The following MBD5 variants were observed in gnomAD, a reference collection of about 807,000 sequenced individuals.
MBD5 encodes the protein methyl-CpG-binding domain protein 5.
MBD5 carries 13 observed loss-of-function variants against 117.3 expected under a neutral mutation model. The observed-to-expected ratio is 0.11, with a 90% CI of 0.07 to 0.18. MBD5 has a LOEUF of 0.18. MBD5 is among the 10% of genes least tolerant of loss of function. The pLI is 1.00. For missense variants in MBD5, 1,879 were observed against 2,093.8 expected, an observed-to-expected ratio of 0.90 and a Z score of 2.00; for synonymous variants, 727 against 766.4, an observed-to-expected ratio of 0.95 and a Z score of 0.85.
intron 4 of MBD5, among the ~76,000 whole-genome samples, chr2:148,445,336 T>C (rs181650033): frequency 6.6e-6 from 1 of 150,670 alleles, no homozygotes; most frequent in Non-Finnish European, 1.5e-5. Context: ...CCTTGCTGTG[T>C]CCAAATGTTC....
chr2:148,500,453 T>A (rs1249139100), intron 11 of MBD5, among the ~76,000 whole-genome samples: 1 of 152,144 alleles, frequency 6.6e-6, no homozygotes. Flanking sequence ...ATAAAAGTAA[T>A]ACTAGTTTGC....
At chr2:148,163,244 A>C (rs1245842195) in intron 1 of MBD5, among the ~76,000 whole-genome samples, 1 of 152,176 alleles carries the variant, frequency 6.6e-6, no homozygotes, top group African/African-American at 2.4e-5. Context: ...AATGAATAGG[A>C]TCATAGGTCT....
At chr2:148,188,126 C>T (rs1001769725) in intron 2 of MBD5, among the ~76,000 whole-genome samples, 1 of 152,124 alleles carries the variant, frequency 6.6e-6, no homozygotes, top group African/African-American at 2.4e-5. Context: ...TGGAGCATTT[C>T]AGATTTTGGA....
intron 3 of MBD5, among the ~76,000 whole-genome samples, chr2:148,245,118 G>T (rs1700305857): frequency 6.6e-6 from 1 of 152,176 alleles, no homozygotes; most frequent in Admixed American, 6.5e-5. Flanking sequence ...AAGCACTGTG[G>T]CTCACGCCTG....
intron 4 of MBD5, among the ~76,000 whole-genome samples, chr2:148,356,969 A>G (rs1363713414): frequency 1.3e-5 from 2 of 151,996 alleles, no homozygotes; most frequent in African/African-American, 4.8e-5. Flanking sequence ...ATGGATAATC[A>G]ATTTTTTAAA....
intron 4 of MBD5, among the ~76,000 whole-genome samples, chr2:148,405,135 G>T (rs1477413490): frequency 1.3e-5 from 2 of 151,868 alleles, no homozygotes; most frequent in Non-Finnish European, 2.9e-5. Flanking sequence ...TTTTGAGTGT[G>T]TATAATATTC....
chr2:148,397,219 A>G (rs1391314715), intron 4 of MBD5, among the ~76,000 whole-genome samples: 2 of 151,924 alleles, frequency 1.3e-5, no homozygotes, highest in Admixed American at 1.3e-4. Flanking sequence ...ATTGTCAACC[A>G]CCAGCAAACT....
intron 1 of MBD5, among the ~76,000 whole-genome samples, chr2:148,141,552 T>G (rs935297126): frequency 3.9e-5 from 6 of 152,086 alleles, no homozygotes; most frequent in Non-Finnish European, 7.4e-5. Flanking sequence ...TGTCAGAAAA[T>G]TAAAATGCAA....
intron 4 of MBD5, among the ~76,000 whole-genome samples, chr2:148,432,475 A>G (rs1191194439): frequency 6.6e-6 from 1 of 151,958 alleles, no homozygotes; most frequent in Admixed American, 6.6e-5. Flanking sequence ...TTCCTAGGTT[A>G]TCTTTCAGGG....
At chr2:148,409,087 A>G (rs1246109913) in intron 4 of MBD5, among the ~76,000 whole-genome samples, 2 of 152,056 alleles carry the variant, frequency 1.3e-5, no homozygotes, top group Non-Finnish European at 2.9e-5. Context: ...TATATTGTCT[A>G]AAATAAACAT....
At chr2:148,061,392 A>G (rs1695030274) in intron 1 of MBD5, among the ~76,000 whole-genome samples, 1 of 152,060 alleles carries the variant, frequency 6.6e-6, no homozygotes, top group Non-Finnish European at 1.5e-5. Context: ...AGAGTTTGGC[A>G]CATTTGTCTT....
At chr2:148,380,039 A>G (rs941023623) in intron 4 of MBD5, among the ~76,000 whole-genome samples, 2 of 152,182 alleles carry the variant, frequency 1.3e-5, no homozygotes, top group African/African-American at 4.8e-5. Flanking sequence ...AAAGATTGAA[A>G]ATGAATCGAT....
chr2:148,425,635 C>T (rs184958083), intron 4 of MBD5, among the ~76,000 whole-genome samples: 234 of 152,308 alleles, frequency 1.5e-3, no homozygotes, highest in African/African-American at 5.4e-3. Flanking sequence ...CAAAAATTCT[C>T]AGTAAAATAC....
chr2:148,450,573 C>G (rs1490230876), intron 4 of MBD5, among the ~76,000 whole-genome samples: 1 of 152,168 alleles, frequency 6.6e-6, no homozygotes, highest in South Asian at 2.1e-4. Context: ...TACATGGTCT[C>G]TCATCCTCGA....
chr2:148,195,475 C>T (rs1698959860), intron 2 of MBD5, among the ~76,000 whole-genome samples: 1 of 152,126 alleles, frequency 6.6e-6, no homozygotes, highest in African/African-American at 2.4e-5. Flanking sequence ...CAACCTTCCT[C>T]TCCCATAAAT....
chr2:148,374,048 A>G (rs960700229), intron 4 of MBD5, among the ~76,000 whole-genome samples: 4 of 152,130 alleles, frequency 2.6e-5, no homozygotes, highest in Admixed American at 6.5e-5. Context: ...ACTGATAAGT[A>G]TAATGCAAAT....
At chr2:148,187,324 A>AT (rs1166193880) in intron 2 of MBD5, among the ~76,000 whole-genome samples, 1 of 151,748 alleles carries the variant, frequency 6.6e-6, no homozygotes, top group Non-Finnish European at 1.5e-5. Flanking sequence ...CAAAAAAAAA[A>AT]CCCAGCACCT....
rs139308010 is a variant in MBD5, at chr2:148,421,745, G to A, written c.-556-36458G>A. On this transcript the variant is annotated intron_variant, in intron 4 of 13. Coordinates refer to ENST00000642680, the MANE Select transcript of MBD5 (RefSeq NM_001378120.1). Reference sequence around the variant, plus strand: ...ACCTGGGACACTCGAGCTTGGTGGAGAGAGGGGCATCCACCATTGCTGAGG... The same window carrying A: ...ACCTGGGACACTCGAGCTTGGTGGAAAGAGGGGCATCCACCATTGCTGAGG... Among the ~76,000 whole-genome samples, 1,160 of 152,292 alleles carry A rather than the reference G, an allele frequency of 7.6e-3. 16 individuals carry two copies. The highest frequency in any genetic ancestry group is 0.027 in the African/African-American group (1,116 of 41,566).
chr2:148,436,664 G>A (rs577139017), intron 4 of MBD5, among the ~76,000 whole-genome samples: 80 of 152,244 alleles, frequency 5.3e-4, no homozygotes, highest in African/African-American at 1.6e-3. Context: ...GAGCCACCAC[G>A]CTTGGCCCTT....
Sources: allele counts gnomAD v4.1 joint callset (sites outside exome capture counted in the v4.1 genomes callset), GRCh38; gene constraint gnomAD v4.1.1; transcripts MANE v1.5; gene names NCBI Gene and HGNC (gene_info 2026-07-23, HGNC 2026-07-21).